The following UFM1 variants were observed in gnomAD, a reference collection of about 807,000 sequenced individuals.
UFM1 encodes the protein ubiquitin fold modifier 1.
In UFM1, 9 loss-of-function variants were observed where a neutral mutation model predicts 15.4. The ratio of observed to expected loss-of-function variants is 0.59; its 90% CI spans 0.35 to 1.02. The LOEUF is 1.02. Among genes scored for constraint, UFM1 ranks in the 50% least tolerant of loss-of-function variants. The probability of loss-of-function intolerance (pLI) is 0.02; values close to 1 mark genes in which losing one functional copy is unlikely to be tolerated. For missense variants in UFM1, 98 were observed against 104.7 expected (o/e 0.94, Z 0.28); for synonymous variants, 27 against 36.3 (o/e 0.74, Z 0.92).
intron 2 of UFM1, among the ~76,000 whole-genome samples, chr13:38,350,521 G>A (rs1421748815): frequency 6.6e-6 from 1 of 152,192 alleles, no homozygotes; most frequent in Non-Finnish European, 1.5e-5. Context: ...CGCGGCTTCT[G>A]AGTTTCGTTG....
chr13:38,362,991 GTTATA>G lies in UFM1; in HGVS notation c.*2216_*2220del, dbSNP rs1457130471. On this transcript the variant is annotated 3_prime_UTR_variant, in exon 6 of 6. Coordinates refer to ENST00000239878, the MANE Select transcript of UFM1 (RefSeq NM_016617.4). ...TTAATATCTAATGAAAATACATGTT[GTTATA>G]TTGTAAACCATATTGTCTGTTCTTA... The G allele has an allele frequency of 1.3e-5, 2 of 152,086 alleles. No individual in the cohort carries two copies. Among genetic ancestry groups the G allele is most frequent in the African/African-American group, 4.8e-5 (2 of 41,428 alleles). 9.4% of individuals were successfully genotyped at this position (152,086 alleles called of 1,614,324 possible). A position where few individuals can be genotyped will look rare whatever the true frequency, so the allele number is the denominator to read the frequency against.
chr13:38,352,033 C>T (rs1878879026), intron 2 of UFM1, among the ~76,000 whole-genome samples: 1 of 151,422 alleles, frequency 6.6e-6, no homozygotes, highest in South Asian at 2.1e-4. Flanking sequence ...AATGCAGTCT[C>T]ATGATCACAA....
chr13:38,361,082 T>A lies in UFM1; in HGVS notation c.*304T>A, dbSNP rs1250471451. ...TTAACTGGAAGCTTTTGATAATTTT[T>A]TTTTTTAGAACAATTTGGAACATTA... On this transcript the variant is annotated 3_prime_UTR_variant, in exon 6 of 6. Transcript: ENST00000239878. The A allele has an allele frequency of 4.6e-6, 1 of 218,944 alleles. No individual in the cohort carries two copies. The highest frequency in any genetic ancestry group is 8.9e-6 in the Non-Finnish European group (1 of 112,094). 13.6% of individuals were successfully genotyped at this position (218,944 alleles called of 1,614,324 possible). A position where few individuals can be genotyped will look rare whatever the true frequency, so the allele number is the denominator to read the frequency against.
intron 5 of UFM1, among the ~76,000 whole-genome samples, chr13:38,360,360 G>T (rs1879313957): frequency 6.6e-6 from 1 of 151,880 alleles, no homozygotes; most frequent in Non-Finnish European, 1.5e-5. Context: ...ATATGTCAGG[G>T]TATCTAAATT....
Position 38,356,959 on chromosome 13 carries a change from A to C in UFM1, c.118-1134A>C, listed in dbSNP as rs1237047721. On this transcript the variant is annotated intron_variant, in intron 3 of 5. Transcript: ENST00000239878. Reference sequence around the variant, plus strand: ...TTTGGCAACTGCTGGTCTCTTTAAGAGATGGAATCTACCTTTTAGCTACCA... The same window carrying C: ...TTTGGCAACTGCTGGTCTCTTTAAGCGATGGAATCTACCTTTTAGCTACCA... 3.3e-5 allele frequency among the ~76,000 whole-genome samples: 5 copies of C among 152,052 alleles called. No homozygotes were observed. In the South Asian group the frequency reaches 1.0e-3, roughly 31 times the overall value.
chr13:38,360,104 C>A, intron 5 of UFM1: 1 of 364,698 alleles, frequency 2.7e-6, no homozygotes, highest in African/African-American at 2.2e-5. Flanking sequence ...ATTTTTGTTA[C>A]TTCAGTAGTT....
chr13:38,359,226 A>G, intron 4 of UFM1, 75 bp from the exon 5 acceptor site: 4 of 1,467,578 alleles, frequency 2.7e-6, no homozygotes, highest in Admixed American at 1.8e-5. Flanking sequence ...TATTTTGGCA[A>G]ATCTCTTTCC....
At position 38,361,617 on chromosome 13, in the gene UFM1, A is replaced by C. The variant is rs1190270110; in HGVS notation, c.*839A>C. 6.6e-6 allele frequency: 1 copy of C among 152,238 alleles called. No individual in the cohort carries two copies. The highest frequency in any genetic ancestry group is 1.5e-5 in the Non-Finnish European group (1 of 68,036). 9.4% of individuals were successfully genotyped at this position (152,238 alleles called of 1,614,324 possible). A position where few individuals can be genotyped will look rare whatever the true frequency, so the allele number is the denominator to read the frequency against. On this transcript the variant is annotated 3_prime_UTR_variant, in exon 6 of 6. Coordinates refer to ENST00000239878, the MANE Select transcript of UFM1 (RefSeq NM_016617.4). ...TTGCACAGATCTGAAGATCAAAAAA[A>C]AGCTCAAGGAAATACAGATCGGAAG...
rs1879416342 is a variant in UFM1 at position 38,361,978 on chromosome 13, C to T, written c.*1200C>T. 6.6e-6 allele frequency: 1 copy of T among 152,108 alleles called. No homozygotes were observed. Among genetic ancestry groups the T allele is most frequent in the Non-Finnish European group, 1.5e-5 (1 of 68,018 alleles). 9.4% of individuals were successfully genotyped at this position (152,108 alleles called of 1,614,324 possible). A position where few individuals can be genotyped will look rare whatever the true frequency, so the allele number is the denominator to read the frequency against. On this transcript the variant is annotated 3_prime_UTR_variant, in exon 6 of 6. Transcript: ENST00000239878. Reference sequence around the variant, plus strand: ...GTCAACATACAGACTTCAAAATACCCCTTATGAGAATCCAAAGAATGATGT... The same window carrying T: ...GTCAACATACAGACTTCAAAATACCTCTTATGAGAATCCAAAGAATGATGT...
intron 4 of UFM1, 53 bp downstream of exon 4, chr13:38,358,185 A>G: frequency 8.8e-7 from 1 of 1,135,460 alleles, no homozygotes; most frequent in Non-Finnish European, 1.2e-6. Context: ...GAAATGGTGT[A>G]AAAGGAACCA....
At chr13:38,358,274 GTCAGGGT>G in intron 4 of UFM1, 142 bp downstream of exon 4, 1 of 428,870 alleles carries the variant, frequency 2.3e-6, no homozygotes, top group Non-Finnish European at 4.1e-6. Context: ...TAAACACTAA[GTCAGGGT>G]TATTGTTAAT....
Position 38,362,245 on chromosome 13 carries a change from A to G in UFM1, c.*1467A>G, listed in dbSNP as rs1879436599. 1 of 152,158 alleles carries G rather than the reference A, an allele frequency of 6.6e-6. No homozygotes were observed. Among genetic ancestry groups the G allele is most frequent in the Non-Finnish European group, 1.5e-5 (1 of 68,022 alleles). 9.4% of individuals were successfully genotyped at this position (152,158 alleles called of 1,614,324 possible). A position where few individuals can be genotyped will look rare whatever the true frequency, so the allele number is the denominator to read the frequency against. On this transcript the variant is annotated 3_prime_UTR_variant, in exon 6 of 6. Transcript: ENST00000239878. The stretch of plus-strand genomic sequence containing the variant: ...AATTATTATCTTAGCATGTTTCAGT[A>G]TCTTCTCTATCATAGGCCCTAAGTT...
chr13:38,362,625 A>G lies in UFM1; in HGVS notation c.*1847A>G, dbSNP rs1030740231. The G allele has an allele frequency of 1.3e-5, 2 of 151,862 alleles. No individual in the cohort carries two copies. The highest frequency in any genetic ancestry group is 4.8e-5 in the African/African-American group (2 of 41,374). The allele number at this position is 151,862 out of a possible 1,614,324, so 9.4% of individuals were successfully genotyped here. On this transcript the variant is annotated 3_prime_UTR_variant, in exon 6 of 6. Transcript: ENST00000239878. Reference sequence around the variant, plus strand: ...TTTTTATTTTTATAAACAAAATCTGATGTTCAGAGGCCCCGTTTCTTACAA... The same window carrying G: ...TTTTTATTTTTATAAACAAAATCTGGTGTTCAGAGGCCCCGTTTCTTACAA...
rs1310746291 is a variant in UFM1 at position 38,361,782 on chromosome 13, G to GA, written c.*1007dup. The GA allele has an allele frequency of 6.6e-6, 1 of 152,400 alleles. No individual in the cohort carries two copies. Among genetic ancestry groups the GA allele is most frequent in the Non-Finnish European group, 1.5e-5 (1 of 68,176 alleles). 9.4% of individuals were successfully genotyped at this position (152,400 alleles called of 1,614,324 possible). ...TCTATTAAGGAGGAAAGCAACAGAGGAAACAGTGAAGGGGAACAGAAGGGG... is the reference window on the plus strand; with the variant it reads ...TCTATTAAGGAGGAAAGCAACAGAGGAAAACAGTGAAGGGGAACAGAAGGGG... On this transcript the variant is annotated 3_prime_UTR_variant, in exon 6 of 6. Coordinates refer to ENST00000239878, the MANE Select transcript of UFM1 (RefSeq NM_016617.4).
At position 38,358,118 on chromosome 13, in the gene UFM1, C is replaced by T. The variant is rs1329632534; in HGVS notation, c.143C>T (p.Ala48Val). 5.6e-6 allele frequency: 8 copies of T among 1,441,076 alleles called. No homozygotes were observed. In the East Asian group the frequency reaches 1.0e-4, roughly 18 times the overall value. The allele number at this position is 1,441,076 out of a possible 1,614,324, so 89.3% of individuals were successfully genotyped here. The change falls in exon 4 of 6, where the codon GCA becomes GTA. Residue 48 changes from alanine (A) to valine (V), a missense_variant. Ala to Val is a moderately conservative substitution (Grantham distance 64). Transcript: ENST00000239878. ...TTTAAAGTTCCTGCTGCAACAAGTG[C>T]AATTATTACCAATGGTAAGAATTCA... is the stretch of plus-strand genomic sequence containing the variant. ...EEFKVPAATS[A>V]IITNDGIGIN...
Position 38,361,289 on chromosome 13 carries a change from A to G in UFM1, c.*511A>G, listed in dbSNP as rs1484182327. ...GAACAGTTAACTATATTAAATTTTT[A>G]TCATTTACTTTTTTTAAGATTCAGA... On this transcript the variant is annotated 3_prime_UTR_variant, in exon 6 of 6. Coordinates refer to ENST00000239878, the MANE Select transcript of UFM1 (RefSeq NM_016617.4). 6.6e-6 allele frequency: 1 copy of G among 151,608 alleles called. No individual in the cohort carries two copies. Among genetic ancestry groups the G allele is most frequent in the Admixed American group, 6.6e-5 (1 of 15,264 alleles). The allele number at this position is 151,608 out of a possible 1,614,324, so 9.4% of individuals were successfully genotyped here.
In UFM1 at chr13:38,358,109, C is replaced by T; in HGVS notation, c.134C>T (p.Ala45Val). The change falls in exon 4 of 6, where the codon GCA becomes GTA. Residue 45 changes from alanine to valine, a missense_variant. Transcript: ENST00000239878. Reference sequence around the variant, plus strand: ...TCTATTTAGTTTAAAGTTCCTGCTGCAACAAGTGCAATTATTACCAATGGT... The same window carrying T: ...TCTATTTAGTTTAAAGTTCCTGCTGTAACAAGTGCAATTATTACCAATGGT... The part of the protein sequence containing the change: ...FAAEEFKVPA[A>V]TSAIITNDGI... The T allele has an allele frequency of 7.0e-7, 1 of 1,423,794 alleles. No homozygotes were observed. Among genetic ancestry groups the T allele is most frequent in the South Asian group, 1.5e-5 (1 of 65,158 alleles). 88.2% of individuals were successfully genotyped at this position (1,423,794 alleles called of 1,614,324 possible).
intron 2 of UFM1, among the ~76,000 whole-genome samples, chr13:38,351,834 C>T (rs1201405298): frequency 8.6e-5 from 13 of 151,936 alleles, no homozygotes; most frequent in South Asian, 2.1e-4. Flanking sequence ...TGTATGTGTG[C>T]GTGTGTAGTT....
intron 3 of UFM1, among the ~76,000 whole-genome samples, chr13:38,356,031 A>G (rs537868933): frequency 6.6e-6 from 1 of 152,014 alleles, no homozygotes; most frequent in East Asian, 1.9e-4. Context: ...AAATGAAAAC[A>G]GAAGACCATA....
Sources: gnomAD v4.1 joint callset for allele counts (sites outside exome capture counted in the v4.1 genomes callset) on GRCh38, gnomAD v4.1.1 for gene constraint, MANE v1.5 for transcripts, NCBI Gene and HGNC (gene_info 2026-07-23, HGNC 2026-07-21) for gene names.